ZNF385D: variants seen among roughly 807,000 people sequenced by gnomAD.
The protein encoded by ZNF385D is zinc finger protein 659.
Under a neutral mutation model 35.8 loss-of-function variants are expected in ZNF385D, and 15 were observed. That is an observed-to-expected ratio of 0.42 (90% CI 0.28 to 0.64). ZNF385D has a LOEUF of 0.64. ZNF385D is among the 30% of genes least tolerant of loss of function. ZNF385D has a pLI of 0.23. For missense variants in ZNF385D, 474 were observed against 494.6 expected (o/e 0.96, Z 0.39); for synonymous variants, 212 against 186.8 (o/e 1.13, Z -1.10).
intron 3 of ZNF385D, among the ~76,000 whole-genome samples, chr3:21,834,848 G>A (rs1249211808): frequency 1.3e-5 from 2 of 152,010 alleles, no homozygotes; most frequent in African/African-American, 4.8e-5. Flanking sequence ...TTAAAAGTGT[G>A]GTACTTCCCC....
intron 3 of ZNF385D, among the ~76,000 whole-genome samples, chr3:21,819,371 G>A (rs1258783086): frequency 6.6e-6 from 1 of 151,286 alleles, no homozygotes; most frequent in Non-Finnish European, 1.5e-5. Flanking sequence ...CCAGAAGCTC[G>A]AACCTAAAAC....
At chr3:22,183,938 T>C (rs1033096186) in intron 2 of ZNF385D, among the ~76,000 whole-genome samples, 19 of 152,020 alleles carry the variant, frequency 1.2e-4, no homozygotes, top group South Asian at 2.1e-4. Flanking sequence ...GAAGTTCCGT[T>C]TTTTATTTAG....
intron 1 of ZNF385D, among the ~76,000 whole-genome samples, chr3:21,705,838 G>T (rs568889985): frequency 3.8e-4 from 58 of 152,250 alleles, no homozygotes; most frequent in Middle Eastern, 3.4e-3. Context: ...TTGGCTGTCT[G>T]GACTGTCCCT....
At chr3:21,471,279 TCTCTCTCTCTCTCTCTCACA>T (rs1703875298) in intron 4 of ZNF385D, among the ~76,000 whole-genome samples, 61 of 20,708 alleles carry the variant, frequency 2.9e-3, no homozygotes, top group Non-Finnish European at 6.0e-3. Context: ...TCTCTTTCTC[TCTCTCTCTCTCTCTCTCACA>T]CACACACACA....
rs1255088230 is a variant in ZNF385D, at chr3:21,420,573, A to AT, written c.*640dup. 1 of 152,166 alleles carries AT rather than the reference A, an allele frequency of 6.6e-6. No homozygotes were observed. The highest frequency in any genetic ancestry group is 1.9e-4 in the East Asian group (1 of 5,182). 9.4% of individuals were successfully genotyped at this position (152,166 alleles called of 1,614,324 possible). ...CCATGACACCATCCGGTGTATGTTT[A>AT]TTTTTTGACTGCTTATTGGTATGAA... On this transcript the variant is annotated 3_prime_UTR_variant, in exon 8 of 8. Coordinates refer to ENST00000281523, the MANE Select transcript of ZNF385D (RefSeq NM_024697.3).
At chr3:22,111,625 C>T (rs1363087742) in intron 3 of ZNF385D, among the ~76,000 whole-genome samples, 1 of 152,270 alleles carries the variant, frequency 6.6e-6, no homozygotes, top group African/African-American at 2.4e-5. Flanking sequence ...TTTCCTTTCA[C>T]TGACTTAGTG....
At chr3:22,145,800 G>A (rs533943048) in intron 3 of ZNF385D, among the ~76,000 whole-genome samples, 2 of 152,278 alleles carry the variant, frequency 1.3e-5, no homozygotes, top group South Asian at 4.1e-4. Context: ...GAGGCCAGTG[G>A]TTTCCCCATC....
intron 2 of ZNF385D, among the ~76,000 whole-genome samples, chr3:21,662,643 A>G (rs1040245796): frequency 4.6e-5 from 7 of 152,174 alleles, no homozygotes; most frequent in Admixed American, 2.6e-4. Flanking sequence ...GCAAGGAATG[A>G]CTTCATCCTT....
At chr3:22,221,816 A>C (rs1343400748) in intron 2 of ZNF385D, among the ~76,000 whole-genome samples, 4 of 149,918 alleles carry the variant, frequency 2.7e-5, no homozygotes, top group African/African-American at 1.0e-4. Flanking sequence ...TGTGTGGTTA[A>C]GTTTTGTCTC....
chr3:22,168,008 A>C (rs1706448987), intron 3 of ZNF385D, among the ~76,000 whole-genome samples: 1 of 152,190 alleles, frequency 6.6e-6, no homozygotes, highest in South Asian at 2.1e-4. Context: ...CAAACTACAA[A>C]ATTATATTAA....
intron 3 of ZNF385D, among the ~76,000 whole-genome samples, chr3:22,099,320 C>T (rs1576317612): frequency 6.6e-6 from 1 of 151,954 alleles, no homozygotes; most frequent in African/African-American, 2.4e-5. Context: ...GAGGAAAGGG[C>T]TGAAGGTTTG....
At chr3:21,676,731 G>T (rs116534986) in intron 1 of ZNF385D, among the ~76,000 whole-genome samples, 1 of 151,898 alleles carries the variant, frequency 6.6e-6, no homozygotes, top group Non-Finnish European at 1.5e-5. Flanking sequence ...TAAACCACTC[G>T]CTAAATGGTA....
At chr3:22,086,784 G>A (rs916603882) in intron 3 of ZNF385D, among the ~76,000 whole-genome samples, 2 of 152,088 alleles carry the variant, frequency 1.3e-5, no homozygotes, top group African/African-American at 4.8e-5. Context: ...TCCTTTGTAG[G>A]GACATGGATG....
intron 3 of ZNF385D, among the ~76,000 whole-genome samples, chr3:22,021,118 G>T (rs1237050129): frequency 1.3e-5 from 2 of 151,860 alleles, no homozygotes; most frequent in African/African-American, 4.8e-5. Flanking sequence ...GAGTGAGGGG[G>T]ATGGGGTTAG....
chr3:21,709,150 A>G (rs894948823), intron 1 of ZNF385D, among the ~76,000 whole-genome samples: 1 of 152,224 alleles, frequency 6.6e-6, no homozygotes, highest in African/African-American at 2.4e-5. Flanking sequence ...TATATTTTAC[A>G]TGAGTATTAG....
intron 3 of ZNF385D, among the ~76,000 whole-genome samples, chr3:22,125,001 A>T (rs1299516546): frequency 1.3e-5 from 2 of 152,098 alleles, no homozygotes; most frequent in Admixed American, 1.3e-4. Context: ...CCAGACCAAC[A>T]TCCTGGAAAG....
intron 4 of ZNF385D, among the ~76,000 whole-genome samples, chr3:21,476,999 G>A (rs1704290501): frequency 2.0e-5 from 3 of 152,040 alleles, no homozygotes; most frequent in Admixed American, 2.0e-4. Flanking sequence ...ACCACCACAA[G>A]GTTCTTCTAA....
chr3:21,865,534 C>A (rs1425511682), intron 3 of ZNF385D, among the ~76,000 whole-genome samples: 1 of 152,136 alleles, frequency 6.6e-6, no homozygotes, highest in Non-Finnish European at 1.5e-5. Context: ...TCTTCCTTAA[C>A]TATATTGTCA....
intron 3 of ZNF385D, among the ~76,000 whole-genome samples, chr3:22,018,486 CCTGA>C (rs1559852986): frequency 6.6e-6 from 1 of 151,888 alleles, no homozygotes; most frequent in Non-Finnish European, 1.5e-5. Flanking sequence ...GTTCAGCTTA[CCTGA>C]CTTTTAACCA....
Sources: gnomAD v4.1 joint callset for allele counts (sites outside exome capture counted in the v4.1 genomes callset) on GRCh38, gnomAD v4.1.1 for gene constraint, MANE v1.5 for transcripts, NCBI Gene and HGNC (gene_info 2026-07-23, HGNC 2026-07-21) for gene names.